Variants in AUTS2 observed in about 807,000 individuals in gnomAD.
AUTS2 encodes activator of transcription and developmental regulator AUTS2, also known as autism susceptibility gene 2 protein.
Under a neutral mutation model 112.4 loss-of-function variants are expected in AUTS2, and 17 were observed. The ratio of observed to expected loss-of-function variants is 0.15; its 90% CI spans 0.10 to 0.23. The LOEUF is 0.23. AUTS2 is among the 10% of genes least tolerant of loss of function. The pLI, the probability that AUTS2 is intolerant of heterozygous loss-of-function variation, is 1.00. For synonymous variants in AUTS2, 751 were observed against 702.7 expected, an observed-to-expected ratio of 1.07 and a Z score of -1.09; for missense variants, 1,510 against 1,701.6, an observed-to-expected ratio of 0.89 and a Z score of 1.98.
intron 4 of AUTS2, among the ~76,000 whole-genome samples, chr7:70,394,413 C>T (rs1176386257): frequency 1.3e-5 from 2 of 152,194 alleles, no homozygotes; most frequent in African/African-American, 4.8e-5. Flanking sequence ...CCAGGCTATT[C>T]AAAGATTAAC....
chr7:69,870,448 A>AATATGTATATATATATATATATATAT (rs1554395052), intron 1 of AUTS2, among the ~76,000 whole-genome samples: 3 of 78,964 alleles, frequency 3.8e-5, no homozygotes, highest in Non-Finnish European at 7.6e-5. Flanking sequence ...ATGTGTGTGT[A>AATATGTATATATATATATATATATAT]ATATATATAT....
rs1194687193 is a variant in AUTS2 at position 70,624,088 on chromosome 7, CTTTAATG to C, written c.691-74476_691-74470del. Among the ~76,000 whole-genome samples the C allele has an allele frequency of 2.6e-5, 4 of 152,320 alleles. No homozygotes were observed. The East Asian group carries it at 7.7e-4, about 29-fold the overall frequency. On this transcript the variant is annotated intron_variant, in intron 5 of 18. Transcript: ENST00000342771. ...CTAGAATTATCTTTGATAGATCATACTTTAATGTTTATACCTTGGGCTTATTGATAAT... is the reference window on the plus strand; with the variant it reads ...CTAGAATTATCTTTGATAGATCATACTTTATACCTTGGGCTTATTGATAAT...
intron 2 of AUTS2, among the ~76,000 whole-genome samples, chr7:69,972,670 CATGTGTGTGTGT>C (rs1006012111): frequency 2.7e-5 from 3 of 111,556 alleles, no homozygotes; most frequent in African/African-American, 1.1e-4. Context: ...TGTGTGCGTG[CATGTGTGTGTGT>C]GTGTGTGTGT....
intron 2 of AUTS2, among the ~76,000 whole-genome samples, chr7:70,034,785 GTTGAGCACGTCTTGAGT>G (rs1725558575): frequency 1.3e-5 from 2 of 152,130 alleles, no homozygotes; most frequent in Non-Finnish European, 1.5e-5. Flanking sequence ...AACATTGGTA[GTTGAGCACGTCTTGAGT>G]GTGAGTGTCA....
In AUTS2 at chr7:69,899,305, C is replaced by T; in HGVS notation, c.329C>T (p.Pro110Leu). 6.2e-7 allele frequency: 1 copy of T among 1,613,450 alleles called. No individual in the cohort carries two copies. The highest frequency in any genetic ancestry group is 8.5e-7 in the Non-Finnish European group (1 of 1,179,462). The change falls in exon 2 of 19, where the codon CCT (proline) becomes CTT (leucine). Residue 110 changes from proline (P) to leucine (L), a missense_variant. By Grantham distance (98) the Pro-to-Leu change is moderately conservative. Around this residue, in one of 3 missense-constraint regions of AUTS2, gnomAD observed 535 missense variants for 594.3 expected, o/e 0.90. Coordinates refer to ENST00000342771, the MANE Select transcript of AUTS2 (RefSeq NM_015570.4). ...CTACAGAAAGATGTAGCACTTAAGC[C>T]TCAGGAACGTGTGGAGAAACGCCAG... ...EALEKDVALK[P>L]QERVEKRQTP... is the part of the protein sequence containing the mutation.
At chr7:69,896,373 A>G (rs1794742793) in intron 1 of AUTS2, among the ~76,000 whole-genome samples, 1 of 152,194 alleles carries the variant, frequency 6.6e-6, no homozygotes, top group African/African-American at 2.4e-5. Flanking sequence ...CAGAGGGTTA[A>G]TCGTCTGCAG....
At chr7:69,873,055 C>A (rs1275013012) in intron 1 of AUTS2, among the ~76,000 whole-genome samples, 1 of 151,710 alleles carries the variant, frequency 6.6e-6, no homozygotes, top group East Asian at 1.9e-4. Context: ...GTTGGCCAGG[C>A]TGGTCTCGAA....
chr7:69,602,056 G>A (rs62457178), intron 1 of AUTS2, among the ~76,000 whole-genome samples: 1,527 of 12,720 alleles, frequency 0.12, 11 homozygotes, highest in East Asian at 0.26. Context: ...GTGTGTGTGT[G>A]TGTGTGTGTG....
chr7:69,845,433 A>G (rs2129529084), intron 1 of AUTS2, among the ~76,000 whole-genome samples: 1 of 152,208 alleles, frequency 6.6e-6, no homozygotes, highest in East Asian at 1.9e-4. Context: ...CTCTCTCAGA[A>G]ACTTGGGGCT....
At chr7:69,636,394 G>A (rs767284485) in intron 1 of AUTS2, among the ~76,000 whole-genome samples, 1 of 150,542 alleles carries the variant, frequency 6.6e-6, no homozygotes, top group African/African-American at 2.4e-5. Context: ...GCCACCACAC[G>A]TGGCTAATTT....
chr7:70,230,082 A>G (rs1160722934), intron 4 of AUTS2, among the ~76,000 whole-genome samples: 4 of 147,604 alleles, frequency 2.7e-5, no homozygotes, highest in African/African-American at 7.5e-5. Flanking sequence ...CAGAGATAGT[A>G]TCTATTGACT....
chr7:70,758,187 T>A (rs553196526), intron 6 of AUTS2, among the ~76,000 whole-genome samples: 1 of 152,342 alleles, frequency 6.6e-6, no homozygotes, highest in South Asian at 2.1e-4. Flanking sequence ...CATTCTTTTT[T>A]ACAGCTGCAA....
chr7:70,468,971 C>T (rs1477808488), intron 5 of AUTS2, among the ~76,000 whole-genome samples: 1 of 152,180 alleles, frequency 6.6e-6, no homozygotes, highest in Non-Finnish European at 1.5e-5. Context: ...ACAGTTTCGT[C>T]ACGGGACTCT....
intron 4 of AUTS2, among the ~76,000 whole-genome samples, chr7:70,181,796 CTTTTTTTT>C (rs35077931): frequency 9.1e-6 from 1 of 110,160 alleles, no homozygotes; most frequent in African/African-American, 3.6e-5. Flanking sequence ...GCTGAGCTAA[CTTTTTTTT>C]TTTTTTTTTT....
intron 4 of AUTS2, among the ~76,000 whole-genome samples, chr7:70,188,156 A>G (rs1294774225): frequency 8.5e-5 from 13 of 152,192 alleles, no homozygotes; most frequent in Admixed American, 8.5e-4. Context: ...AGCACTTGCT[A>G]AATGCTTTGT....
intron 2 of AUTS2, among the ~76,000 whole-genome samples, chr7:69,964,265 C>T (rs962149200): frequency 1.3e-5 from 2 of 152,116 alleles, no homozygotes; most frequent in African/African-American, 4.8e-5. Flanking sequence ...GTCACTTTAC[C>T]CTCCGGGCTT....
chr7:70,376,591 G>A (rs1793095061), intron 4 of AUTS2, among the ~76,000 whole-genome samples: 2 of 151,520 alleles, frequency 1.3e-5, no homozygotes, highest in Admixed American at 1.3e-4. Context: ...TCTGGTCACT[G>A]GCCGTCTCAG....
At chr7:70,430,634 G>A (rs970423391) in intron 4 of AUTS2, among the ~76,000 whole-genome samples, 1 of 152,106 alleles carries the variant, frequency 6.6e-6, no homozygotes, top group Non-Finnish European at 1.5e-5. Context: ...ATGCAACTCT[G>A]GGGAGACAGT....
At chr7:70,591,872 G>T (rs796830815) in intron 5 of AUTS2, among the ~76,000 whole-genome samples, 1 of 152,092 alleles carries the variant, frequency 6.6e-6, no homozygotes, top group African/African-American at 2.4e-5. Context: ...CAGTTGGCAC[G>T]GCTCTCCAAA....
Sources: gnomAD v4.1 joint callset for allele counts (sites outside exome capture counted in the v4.1 genomes callset) on GRCh38, gnomAD v4.1.1 for gene constraint, gnomAD v4.1.1 regional missense constraint, MANE v1.5 for transcripts, NCBI Gene and HGNC (gene_info 2026-07-23, HGNC 2026-07-21) for gene names.